GPC6: variants seen among roughly 807,000 people sequenced by gnomAD.
GPC6 encodes the protein glypican 6.
Under a neutral mutation model 55.2 loss-of-function variants are expected in GPC6, and 14 were observed. That is an observed-to-expected ratio of 0.25 (90% CI 0.17 to 0.40). The LOEUF (loss-of-function observed/expected upper bound fraction) is 0.40. GPC6 is among the 10% of genes least tolerant of loss of function. GPC6 has a pLI of 1.00. For missense variants in GPC6, 641 were observed against 708.5 expected (o/e 0.90, Z 1.08); for synonymous variants, 278 against 259.6 (o/e 1.07, Z -0.68).
intron 3 of GPC6, among the ~76,000 whole-genome samples, chr13:93,837,097 G>T (rs1887764862): frequency 6.6e-6 from 1 of 152,184 alleles, no homozygotes; most frequent in Admixed American, 6.5e-5. Context: ...TAAGAAGAGA[G>T]TATAAACCAA....
At chr13:94,126,948 G>GA (rs1430687868) in intron 4 of GPC6, among the ~76,000 whole-genome samples, 1 of 152,066 alleles carries the variant, frequency 6.6e-6, no homozygotes, top group African/African-American at 2.4e-5. Flanking sequence ...GATTAAAAGT[G>GA]AAAATCTCTA....
At chr13:94,194,715 G>T (rs939934590) in intron 4 of GPC6, among the ~76,000 whole-genome samples, 2 of 152,130 alleles carry the variant, frequency 1.3e-5, no homozygotes, top group Non-Finnish European at 1.5e-5. Flanking sequence ...ACTTAGTCAT[G>T]TAACCAAATA....
At chr13:93,464,631 T>C (rs1225277762) in intron 1 of GPC6, among the ~76,000 whole-genome samples, 1 of 152,206 alleles carries the variant, frequency 6.6e-6, no homozygotes, top group Admixed American at 6.5e-5. Context: ...ACCATGTCTC[T>C]GGTGATTTTC....
intron 3 of GPC6, among the ~76,000 whole-genome samples, chr13:93,971,629 A>C (rs1277515356): frequency 1.3e-5 from 2 of 152,224 alleles, no homozygotes; most frequent in Non-Finnish European, 2.9e-5. Context: ...GTGATGCTAC[A>C]GACTGTCTTT....
intron 4 of GPC6, among the ~76,000 whole-genome samples, chr13:94,211,072 T>C (rs1180051390): frequency 6.6e-6 from 1 of 152,178 alleles, no homozygotes; most frequent in Admixed American, 6.5e-5. Context: ...TGGCTGAAAA[T>C]ACCACTGATG....
chr13:93,242,000 T>TTA (rs1379437246), intron 1 of GPC6, among the ~76,000 whole-genome samples: 1 of 152,172 alleles, frequency 6.6e-6, no homozygotes, highest in African/African-American at 2.4e-5. Context: ...AGCGGGTGTG[T>TTA]GAATAGGGCC....
intron 3 of GPC6, among the ~76,000 whole-genome samples, chr13:93,926,735 C>A (rs1877877331): frequency 6.6e-6 from 1 of 152,100 alleles, no homozygotes. Flanking sequence ...TGATAAGATT[C>A]CCAGCTTTAG....
intron 2 of GPC6, among the ~76,000 whole-genome samples, chr13:93,815,882 TA>T (rs1307846829): frequency 1.3e-5 from 2 of 152,186 alleles, no homozygotes; most frequent in African/African-American, 4.8e-5. Context: ...AAATGATTTC[TA>T]AGACATGGCT....
chr13:94,015,676 G>A (rs1338879688), intron 3 of GPC6, among the ~76,000 whole-genome samples: 1 of 152,086 alleles, frequency 6.6e-6, no homozygotes, highest in Non-Finnish European at 1.5e-5. Context: ...TTTGTAGATG[G>A]TATGAGGTAG....
intron 1 of GPC6, among the ~76,000 whole-genome samples, chr13:93,322,052 A>G (rs897735048): frequency 6.6e-6 from 1 of 152,186 alleles, no homozygotes; most frequent in South Asian, 2.1e-4. Context: ...AATTTATACA[A>G]TTGTATAAAA....
At chr13:93,243,648 C>G (rs1876509075) in intron 1 of GPC6, among the ~76,000 whole-genome samples, 1 of 152,104 alleles carries the variant, frequency 6.6e-6, no homozygotes. Context: ...CTAAATAAGG[C>G]TGTTTGGTGT....
chr13:93,298,321 G>A (rs539134522), intron 1 of GPC6, among the ~76,000 whole-genome samples: 1 of 152,294 alleles, frequency 6.6e-6, no homozygotes, highest in African/African-American at 2.4e-5. Flanking sequence ...AATAGTCATA[G>A]ATTTCAGGAT....
intron 2 of GPC6, among the ~76,000 whole-genome samples, chr13:93,650,440 C>T (rs558539970): frequency 6.6e-6 from 1 of 151,830 alleles, no homozygotes; most frequent in Admixed American, 6.6e-5. Context: ...TTAGAATGAG[C>T]CTTCACTGTA....
At chr13:94,204,677 T>C (rs1362983170) in intron 4 of GPC6, among the ~76,000 whole-genome samples, 1 of 152,176 alleles carries the variant, frequency 6.6e-6, no homozygotes, top group African/African-American at 2.4e-5. Flanking sequence ...CTCAGACAAA[T>C]GTGAAATTCA....
At chr13:93,820,919 G>T (rs1887023929) in intron 2 of GPC6, among the ~76,000 whole-genome samples, 1 of 152,072 alleles carries the variant, frequency 6.6e-6, no homozygotes, top group Admixed American at 6.6e-5. Flanking sequence ...AGTTTTCAGA[G>T]CACATTTTAA....
At chr13:93,813,192 T>C (rs759964454) in intron 2 of GPC6, among the ~76,000 whole-genome samples, 5 of 152,134 alleles carry the variant, frequency 3.3e-5, no homozygotes, top group Non-Finnish European at 7.4e-5. Context: ...AAAAATGGAA[T>C]GATTCATAAG....
intron 2 of GPC6, among the ~76,000 whole-genome samples, chr13:93,593,045 T>C (rs1282830198): frequency 6.6e-6 from 1 of 152,116 alleles, no homozygotes; most frequent in Non-Finnish European, 1.5e-5. Context: ...AGTTGGTTCT[T>C]AGTTTATAAA....
intron 2 of GPC6, among the ~76,000 whole-genome samples, chr13:93,757,992 C>T (rs1884833781): frequency 6.6e-6 from 1 of 152,198 alleles, no homozygotes; most frequent in Admixed American, 6.5e-5. Context: ...TACATCCAGT[C>T]ACTGTTCCTG....
chr13:93,975,110 G>GC (rs949786293), intron 3 of GPC6, among the ~76,000 whole-genome samples: 1 of 152,128 alleles, frequency 6.6e-6, no homozygotes, highest in African/African-American at 2.4e-5. Context: ...TTGGAATGGG[G>GC]CCCAGCTATC....
Sources: allele counts gnomAD v4.1 joint callset (sites outside exome capture counted in the v4.1 genomes callset), GRCh38; gene constraint gnomAD v4.1.1; transcripts MANE v1.5; gene names NCBI Gene and HGNC (gene_info 2026-07-23, HGNC 2026-07-21).